ARHGEF26: variants seen among roughly 807,000 people sequenced by gnomAD.
ARHGEF26 encodes the protein Rho guanine nucleotide exchange factor 26.
In ARHGEF26, 59 loss-of-function variants were observed where a neutral mutation model predicts 89.4. That is an observed-to-expected ratio of 0.66 (90% CI 0.54 to 0.82). The LOEUF is 0.82. ARHGEF26 is among the 40% of genes least tolerant of loss of function. The probability of loss-of-function intolerance (pLI) is 0.00; values close to 1 mark genes in which losing one functional copy is unlikely to be tolerated. For synonymous variants in ARHGEF26, 500 were observed against 428.4 expected (o/e 1.17, Z -2.06); for missense variants, 1,234 against 1,085.6 (o/e 1.14, Z -1.92).
intron 6 of ARHGEF26, among the ~76,000 whole-genome samples, chr3:154,181,662 G>A (rs934718549): frequency 2.1e-4 from 32 of 152,064 alleles, no homozygotes; most frequent in African/African-American, 7.5e-4. Context: ...AATGCAGCTG[G>A]CATTGAAGAA....
At position 154,257,106 on chromosome 3, in the gene ARHGEF26, TGAG is replaced by T; in HGVS notation, c.*1635_*1637del. 1 of 1,189,952 alleles carries T rather than the reference TGAG, an allele frequency of 8.4e-7. No homozygotes were observed. Among genetic ancestry groups the T allele is most frequent in the Non-Finnish European group, 1.1e-6 (1 of 888,736 alleles). 73.7% of individuals were successfully genotyped at this position (1,189,952 alleles called of 1,614,324 possible). On this transcript the variant is annotated 3_prime_UTR_variant, in exon 15 of 15. Coordinates refer to ENST00000465093, the MANE Select transcript of ARHGEF26 (RefSeq NM_015595.4). ...AATTGTAAAGCTACAGAAGCCCAGT[TGAG>T]GGGTAAGTGTGCCTGGCTCACACAG...
At chr3:154,213,808 T>A (rs1357223115) in intron 9 of ARHGEF26, among the ~76,000 whole-genome samples, 1 of 152,150 alleles carries the variant, frequency 6.6e-6, no homozygotes, top group Non-Finnish European at 1.5e-5. Context: ...ATAAATTGTT[T>A]CTTTTTTTTA....
intron 9 of ARHGEF26, among the ~76,000 whole-genome samples, chr3:154,195,985 C>G (rs748173379): frequency 2.6e-5 from 4 of 151,702 alleles, no homozygotes; most frequent in Non-Finnish European, 5.9e-5. Context: ...ACCGTAATAG[C>G]TTGGCAAATG....
At chr3:154,129,812 A>G in intron 4 of ARHGEF26, 93 bp downstream of exon 4, 1 of 1,362,406 alleles carries the variant, frequency 7.3e-7, no homozygotes, top group Non-Finnish European at 1.0e-6. Flanking sequence ...TCTGCCAGTG[A>G]TCCTGTAACT....
At chr3:154,144,779 T>G (rs1046976857) in intron 4 of ARHGEF26, among the ~76,000 whole-genome samples, 4 of 152,164 alleles carry the variant, frequency 2.6e-5, no homozygotes, top group African/African-American at 9.7e-5. Flanking sequence ...TTTCTTGAGA[T>G]TCAAACACTT....
At chr3:154,194,836 G>C in intron 9 of ARHGEF26, 118 bp downstream of exon 9, 1 of 803,068 alleles carries the variant, frequency 1.2e-6, no homozygotes, top group South Asian at 1.7e-5. Context: ...TTTGTACAGC[G>C]TTCTTTAGGT....
Position 154,247,420 on chromosome 3 carries a change from A to G in ARHGEF26, c.2301-5696A>G, listed in dbSNP as rs1717866897. 2.0e-5 allele frequency among the ~76,000 whole-genome samples: 3 copies of G among 151,826 alleles called. No individual in the cohort carries two copies. In the South Asian group the frequency reaches 6.2e-4, roughly 32 times the overall value. ...TCATCTTTCCCCATCTTTCCATTCC[A>G]CTGCCTCCTTCCTAGGTCAACCACA... On this transcript the variant is annotated intron_variant, in intron 12 of 14. Transcript: ENST00000465093.
intron 11 of ARHGEF26, among the ~76,000 whole-genome samples, chr3:154,236,611 CAGGA>C (rs1717142549): frequency 1.3e-5 from 2 of 152,162 alleles, no homozygotes; most frequent in South Asian, 4.1e-4. Flanking sequence ...CAGCTTCCCT[CAGGA>C]AGGGGGTTTC....
rs911858744 is a variant in ARHGEF26 at position 154,186,362 on chromosome 3, A to G, written c.1488-1323A>G. On this transcript the variant is annotated intron_variant, in intron 6 of 14. Coordinates refer to ENST00000465093, the MANE Select transcript of ARHGEF26 (RefSeq NM_015595.4). ...GAATGGATAAACAATTGCTATCTAT[A>G]TGACATATATAATGATATATATCAT... Among the ~76,000 whole-genome samples the G allele has an allele frequency of 4.8e-5, 7 of 144,944 alleles. 1 individual carries two copies. The highest frequency in any genetic ancestry group is 2.5e-4 in the South Asian group (1 of 4,008).
At chr3:154,248,841 T>A (rs751255124) in intron 12 of ARHGEF26, among the ~76,000 whole-genome samples, 1 of 152,226 alleles carries the variant, frequency 6.6e-6, no homozygotes, top group Non-Finnish European at 1.5e-5. Context: ...TGAACTGATA[T>A]CTAGTTTTTT....
chr3:154,254,211 G>A (rs765897974), intron 13 of ARHGEF26, among the ~76,000 whole-genome samples: 6 of 152,032 alleles, frequency 3.9e-5, no homozygotes, highest in African/African-American at 9.7e-5. Context: ...CACCGTGCCC[G>A]GCCACATGTC....
chr3:154,241,697 A>C (rs765928371), intron 12 of ARHGEF26, among the ~76,000 whole-genome samples: 1 of 152,194 alleles, frequency 6.6e-6, no homozygotes, highest in Non-Finnish European at 1.5e-5. Flanking sequence ...ATTCATAGCC[A>C]TAGGGCAGGA....
intron 9 of ARHGEF26, among the ~76,000 whole-genome samples, chr3:154,217,611 G>T (rs939352101): frequency 7.2e-5 from 11 of 152,174 alleles, no homozygotes; most frequent in Non-Finnish European, 1.6e-4. Flanking sequence ...CCCTTCAGCT[G>T]CTCTGATTTG....
chr3:154,208,790 G>T (rs1715187505), intron 9 of ARHGEF26, among the ~76,000 whole-genome samples: 1 of 139,848 alleles, frequency 7.2e-6, no homozygotes, highest in Admixed American at 7.4e-5. Flanking sequence ...TTTTGAGATG[G>T]AGTCTCACTC....
chr3:154,253,821 C>T (rs1718312781), intron 13 of ARHGEF26, among the ~76,000 whole-genome samples: 1 of 152,134 alleles, frequency 6.6e-6, no homozygotes, highest in Non-Finnish European at 1.5e-5. Context: ...CATTGTTATC[C>T]TGGAACACTC....
At chr3:154,193,103 A>G (rs1714051468) in intron 8 of ARHGEF26, among the ~76,000 whole-genome samples, 1 of 152,164 alleles carries the variant, frequency 6.6e-6, no homozygotes, top group Non-Finnish European at 1.5e-5. Context: ...CCCAGAGAAT[A>G]TGTGTATGCA....
intron 6 of ARHGEF26, among the ~76,000 whole-genome samples, chr3:154,182,797 C>G (rs565042502): frequency 6.6e-6 from 1 of 152,270 alleles, no homozygotes; most frequent in Admixed American, 6.5e-5. Context: ...GTGACTTAAG[C>G]ACTCTTTGCC....
intron 4 of ARHGEF26, among the ~76,000 whole-genome samples, chr3:154,135,543 G>A (rs1249831823): frequency 2.6e-5 from 4 of 152,180 alleles, no homozygotes; most frequent in Non-Finnish European, 4.4e-5. Context: ...GACCCCTGGA[G>A]ATTATCTGGA....
At chr3:154,139,323 A>G (rs919534793) in intron 4 of ARHGEF26, among the ~76,000 whole-genome samples, 3 of 152,100 alleles carry the variant, frequency 2.0e-5, no homozygotes, top group African/African-American at 7.2e-5. Flanking sequence ...GGTTTTATCA[A>G]TCTTGTACTT....
Sources: gnomAD v4.1 joint callset for allele counts (sites outside exome capture counted in the v4.1 genomes callset) on GRCh38, gnomAD v4.1.1 for gene constraint, MANE v1.5 for transcripts, NCBI Gene and HGNC (gene_info 2026-07-23, HGNC 2026-07-21) for gene names.